The following CCDC85C variants were observed in gnomAD, a reference collection of about 807,000 sequenced individuals.
CCDC85C encodes coiled-coil domain-containing protein 85C.
Under a neutral mutation model 38.3 loss-of-function variants are expected in CCDC85C, and 18 were observed. The observed-to-expected ratio is 0.47, with a 90% CI of 0.33 to 0.70. The LOEUF is 0.70. Among genes scored for constraint, CCDC85C ranks in the 30% least tolerant of loss-of-function variants. The pLI, the probability that CCDC85C is intolerant of heterozygous loss-of-function variation, is 0.03. For synonymous variants in CCDC85C, 264 were observed against 293.8 expected (o/e 0.90, Z 1.04); for missense variants, 566 against 621.2 (o/e 0.91, Z 0.94).
At position 99,506,755 on chromosome 14, in the gene CCDC85C, ATGCTCATGAAGACGT is replaced by A. The variant is rs1896985535; in HGVS notation, c.*8476_*8490del. ...AGGGAGGACTCCAGATAGGTCATAC[ATGCTCATGAAGACGT>A]TGCTCTGCTGGTCTCACATGGTCGG... On this transcript the variant is annotated 3_prime_UTR_variant, in exon 6 of 6. Coordinates refer to ENST00000380243, the MANE Select transcript of CCDC85C (RefSeq NM_001144995.2). The A allele has an allele frequency of 5.5e-6, 2 of 366,692 alleles. No individual in the cohort carries two copies. Among genetic ancestry groups the A allele is most frequent in the Non-Finnish European group, 1.0e-5 (2 of 190,590 alleles). The allele number at this position is 366,692 out of a possible 1,614,324, so 22.7% of individuals were successfully genotyped here.
intron 1 of CCDC85C, among the ~76,000 whole-genome samples, chr14:99,554,840 A>G (rs1273959964): frequency 6.6e-6 from 1 of 152,090 alleles, no homozygotes; most frequent in African/African-American, 2.4e-5. Flanking sequence ...TTGCTGTGTG[A>G]CTCTGAGCAG....
At chr14:99,526,584 C>T (rs1013469825) in intron 2 of CCDC85C, among the ~76,000 whole-genome samples, 14 of 152,048 alleles carry the variant, frequency 9.2e-5, no homozygotes, top group Non-Finnish European at 1.8e-4. Flanking sequence ...ACCTGGCGAC[C>T]TCCCTCCAGG....
At position 99,507,215 on chromosome 14, in the gene CCDC85C, C is replaced by T; in HGVS notation, c.*8031G>A. The T allele has an allele frequency of 1.0e-6, 1 of 956,948 alleles. No homozygotes were observed. The allele number at this position is 956,948 out of a possible 1,614,324, so 59.3% of individuals were successfully genotyped here. On this transcript the variant is annotated 3_prime_UTR_variant, in exon 6 of 6. Transcript: ENST00000380243. ...CTCTGAATGTTGGACGCAGCAGGTC[C>T]TGGGAACTTAGAAAAGGGAGACTGG...
At chr14:99,559,222 G>C (rs28624261) in intron 1 of CCDC85C, among the ~76,000 whole-genome samples, 81,191 of 151,220 alleles carry the variant, frequency 0.54, 22,022 homozygotes, top group African/African-American at 0.61. Context: ...GAGTCCCCCC[G>C]AGAGCCTCCA....
rs1595115540 is a variant in CCDC85C at position 99,604,155 on chromosome 14, G to A, written c.-196C>T. 2.7e-6 allele frequency: 1 copy of A among 365,738 alleles called. No individual in the cohort carries two copies. The highest frequency in any genetic ancestry group is 6.6e-5 in the Admixed American group (1 of 15,106). The allele number at this position is 365,738 out of a possible 1,614,324, so 22.7% of individuals were successfully genotyped here. A position where few individuals can be genotyped will look rare whatever the true frequency, so the allele number is the denominator to read the frequency against. The stretch of plus-strand genomic sequence containing the variant: ...AGCCCGCGCGCCTCGGGGTTGACGA[G>A]CGGAGGCGGCTGCTGCGTCGGCGGC... On this transcript the variant is annotated 5_prime_UTR_variant, in exon 1 of 6. Transcript: ENST00000380243.
intron 1 of CCDC85C, among the ~76,000 whole-genome samples, chr14:99,593,995 C>T (rs1328719759): frequency 7.7e-6 from 1 of 130,430 alleles, no homozygotes; most frequent in African/African-American, 3.0e-5. Flanking sequence ...AAATCACCAC[C>T]CTCTTGGGGA....
intron 1 of CCDC85C, among the ~76,000 whole-genome samples, chr14:99,577,849 C>T (rs1204069289): frequency 1.4e-5 from 2 of 144,614 alleles, no homozygotes; most frequent in East Asian, 4.3e-4. Context: ...CCTGTATCCC[C>T]CATCAGTGTG....
chr14:99,532,825 G>A (rs576047154), intron 2 of CCDC85C, among the ~76,000 whole-genome samples: 43 of 136,696 alleles, frequency 3.1e-4, no homozygotes, highest in African/African-American at 1.1e-3. Context: ...TCTGTTTCCC[G>A]GGTTGGAGTG....
chr14:99,500,319 A>G lies in CCDC85C; in HGVS notation c.*14927T>C, dbSNP rs1242312819. The G allele has an allele frequency of 5.2e-6, 1 of 192,152 alleles. No homozygotes were observed. Among genetic ancestry groups the G allele is most frequent in the Admixed American group, 5.5e-5 (1 of 18,184 alleles). The allele number at this position is 192,152 out of a possible 1,614,324, so 11.9% of individuals were successfully genotyped here. ...ACACACATACACACACACTGGTACA[A>G]TTTATCTCTGAGTTTTCATGAGGCT... On this transcript the variant is annotated 3_prime_UTR_variant, in exon 6 of 6. Transcript: ENST00000380243.
chr14:99,567,716 T>C (rs1028475942), intron 1 of CCDC85C, among the ~76,000 whole-genome samples: 8 of 152,080 alleles, frequency 5.3e-5, no homozygotes, highest in African/African-American at 1.9e-4. Context: ...TCCCAGCTAC[T>C]TGGGAGGCTG....
At chr14:99,541,122 G>A (rs905723245) in intron 1 of CCDC85C, among the ~76,000 whole-genome samples, 18 of 152,198 alleles carry the variant, frequency 1.2e-4, no homozygotes, top group Admixed American at 7.2e-4. Flanking sequence ...TCCTTCCCTA[G>A]CTCAGCACTT....
In CCDC85C at chr14:99,516,725, C is replaced by T. The variant is rs1391987538; in HGVS notation, c.1071+363G>A. Among the ~76,000 whole-genome samples the T allele has an allele frequency of 1.3e-5, 2 of 152,064 alleles. No homozygotes were observed. Among genetic ancestry groups the T allele is most frequent in the Admixed American group, 6.5e-5 (1 of 15,282 alleles). On this transcript the variant is annotated intron_variant, in intron 4 of 5. Coordinates refer to ENST00000380243, the MANE Select transcript of CCDC85C (RefSeq NM_001144995.2). This position sits in a 1 kb window ranked among gnomAD's most constrained non-coding sequence, Gnocchi z 5.5. ...TCAGGTGTGCACAGCCTGGAGGAAC[C>T]GGAGCCCATCGGACTCACCAGTCTG...
chr14:99,603,843 C>T lies in CCDC85C; in HGVS notation c.117G>A (p.Glu39=). 2.6e-6 allele frequency: 4 copies of T among 1,518,734 alleles called. No homozygotes were observed. Among genetic ancestry groups the T allele is most frequent in the Non-Finnish European group, 3.5e-6 (4 of 1,139,434 alleles). The allele number at this position is 1,518,734 out of a possible 1,614,324, so 94.1% of individuals were successfully genotyped here. The part of the protein sequence containing the change: ...EELARRLRRA[E]GEKVGLMLEH... Reference sequence around the variant, plus strand: ...CCAGCATGAGGCCCACCTTCTCGCCCTCGGCGCGCCGCAGCCGCCGCGCCA... The same window carrying T: ...CCAGCATGAGGCCCACCTTCTCGCCTTCGGCGCGCCGCAGCCGCCGCGCCA... Residue 39 remains glutamate (E), a synonymous_variant, in exon 1 of 6, where the codon GAG becomes GAA. Transcript: ENST00000380243. This position sits in a 1 kb window ranked among gnomAD's most constrained non-coding sequence, Gnocchi z 7.5.
At position 99,510,075 on chromosome 14, in the gene CCDC85C, G is replaced by A; in HGVS notation, c.*5171C>T. 1 of 1,367,876 alleles carries A rather than the reference G, an allele frequency of 7.3e-7. No homozygotes were observed. The highest frequency in any genetic ancestry group is 1.4e-5 in the African/African-American group (1 of 69,380). 84.7% of individuals were successfully genotyped at this position (1,367,876 alleles called of 1,614,324 possible). A position where few individuals can be genotyped will look rare whatever the true frequency, so the allele number is the denominator to read the frequency against. ...CAGCTGCTCCCTGCTCCTCTGTAAA[G>A]ATGGCCCTGAAGGGCCAGGAGGCAC... On this transcript the variant is annotated 3_prime_UTR_variant, in exon 6 of 6. Transcript: ENST00000380243.
At chr14:99,586,765 A>G (rs376105369) in intron 1 of CCDC85C, among the ~76,000 whole-genome samples, 3 of 150,226 alleles carry the variant, frequency 2.0e-5, no homozygotes, top group Non-Finnish European at 4.5e-5. Flanking sequence ...TCGGCGGGGG[A>G]CCCCCAGCCA....
rs80328521 is a variant in CCDC85C at position 99,540,837 on chromosome 14, G to A, written c.794-4749C>T. The stretch of plus-strand genomic sequence containing the variant: ...GTGGGGGAAAGCTGTGCAGCATGGT[G>A]GGGGGAGTCACAGAGCCTGCAGGTC... On this transcript the variant is annotated intron_variant, in intron 1 of 5. Transcript: ENST00000380243. Among the ~76,000 whole-genome samples the A allele has an allele frequency of 5.1e-3, 775 of 152,264 alleles. 5 individuals are homozygous for A. Among genetic ancestry groups the A allele is most frequent in the African/African-American group, 0.018 (743 of 41,540 alleles).
At chr14:99,530,580 C>T (rs918597351) in intron 2 of CCDC85C, among the ~76,000 whole-genome samples, 1 of 152,228 alleles carries the variant, frequency 6.6e-6, no homozygotes, top group African/African-American at 2.4e-5. Context: ...CCCTCTTCCC[C>T]GCCCCTTGAA....
At chr14:99,592,917 C>T (rs1050586781) in intron 1 of CCDC85C, among the ~76,000 whole-genome samples, 4 of 152,230 alleles carry the variant, frequency 2.6e-5, no homozygotes, top group African/African-American at 2.4e-5. Flanking sequence ...CCCCTGCCAG[C>T]CAGGACAGAA....
chr14:99,555,127 T>A (rs1313620622), intron 1 of CCDC85C, among the ~76,000 whole-genome samples: 1 of 152,208 alleles, frequency 6.6e-6, no homozygotes, highest in East Asian at 1.9e-4. Context: ...TTGCTGGAAG[T>A]GAGGCGGGCG....
Sources: gnomAD v4.1 joint callset for allele counts (sites outside exome capture counted in the v4.1 genomes callset) on GRCh38, gnomAD v4.1.1 for gene constraint, Gnocchi (gnomAD v3.1) non-coding constraint, MANE v1.5 for transcripts, NCBI Gene and HGNC (gene_info 2026-07-23, HGNC 2026-07-21) for gene names.